Variants in PATL2 observed in about 807,000 individuals in gnomAD.
PATL2 encodes the protein protein PAT1 homolog 2.
Under a neutral mutation model 77.0 loss-of-function variants are expected in PATL2, and 73 were observed. The observed-to-expected ratio is 0.95, with a 90% confidence interval of 0.78 to 1.15. The LOEUF (loss-of-function observed/expected upper bound fraction) is 1.15. Among genes scored for constraint, PATL2 ranks in the 50% most tolerant of loss-of-function variants. The probability of loss-of-function intolerance (pLI) is 0.00; values close to 1 mark genes in which losing one functional copy is unlikely to be tolerated. For synonymous variants in PATL2, 265 were observed against 257.1 expected (o/e 1.03, Z -0.29); for missense variants, 618 against 655.4 (o/e 0.94, Z 0.62).
intron 5 of PATL2, chr15:44,674,454 G>A: frequency 1.9e-6 from 1 of 523,248 alleles, no homozygotes. Context: ...CCTTATTCAT[G>A]AGACATATAT....
chr15:44,683,495 C>A (rs1178501892), intron 3 of PATL2, among the ~76,000 whole-genome samples: 1 of 152,196 alleles, frequency 6.6e-6, no homozygotes, highest in African/African-American at 2.4e-5. Flanking sequence ...TGGGTGGAGT[C>A]CACTGCAGCT....
chr15:44,708,968 G>T (rs1041977994), intron 3 of PATL2, among the ~76,000 whole-genome samples: 1 of 151,970 alleles, frequency 6.6e-6, no homozygotes, highest in East Asian at 1.9e-4. Flanking sequence ...GTGCAATCTC[G>T]GCTCATTGCA....
At chr15:44,695,411 A>T (rs902062326) in intron 3 of PATL2, among the ~76,000 whole-genome samples, 2 of 152,258 alleles carry the variant, frequency 1.3e-5, no homozygotes, top group Admixed American at 1.3e-4. Context: ...TTTGTCAGCC[A>T]CTTTTACAGT....
intron 3 of PATL2, among the ~76,000 whole-genome samples, chr15:44,684,069 C>G (rs922779776): frequency 6.6e-6 from 1 of 150,712 alleles, no homozygotes; most frequent in African/African-American, 2.5e-5. Flanking sequence ...AAAAAAAAAT[C>G]CACACAGAAA....
At chr15:44,703,292 A>G (rs973497736) in intron 3 of PATL2, among the ~76,000 whole-genome samples, 4 of 152,100 alleles carry the variant, frequency 2.6e-5, no homozygotes, top group African/African-American at 4.8e-5. Context: ...GAAAAAATCT[A>G]TTAGAGCCAT....
intron 3 of PATL2, among the ~76,000 whole-genome samples, chr15:44,681,728 C>T (rs1304528821): frequency 6.6e-6 from 1 of 152,190 alleles, no homozygotes; most frequent in Non-Finnish European, 1.5e-5. Context: ...TATCCCTGGG[C>T]AATCTCATCT....
chr15:44,668,435 C>G lies in PATL2; in HGVS notation c.1272G>C (p.Leu424Phe), dbSNP rs1352317369. Residue 424 changes from leucine to phenylalanine, a missense_variant, in exon 15 of 18, where the codon TTG (leucine) becomes TTC (phenylalanine). Transcript: ENST00000682850. ...GTCCTTGGAGGAGTTCGTGGAGGGTCAAGTGACTAATACATTTGCCCAGAG... is the reference window on the plus strand; with the variant it reads ...GTCCTTGGAGGAGTTCGTGGAGGGTGAAGTGACTAATACATTTGCCCAGAG... The part of the protein sequence containing the change: ...FKPLGKCISH[L>F]TLHELLQGLQ... 2 of 1,551,356 alleles carry G rather than the reference C, an allele frequency of 1.3e-6. No individual in the cohort carries two copies. Among genetic ancestry groups the G allele is most frequent in the Non-Finnish European group, 8.7e-7 (1 of 1,146,972 alleles).
intron 11 of PATL2, 61 bp from the exon 12 acceptor site, chr15:44,669,624 C>G: frequency 6.5e-7 from 1 of 1,527,780 alleles, no homozygotes; most frequent in Non-Finnish European, 8.8e-7. Context: ...CTAGCCCAGG[C>G]CCCCAACTAG....
At chr15:44,680,639 T>A (rs1281563759) in intron 3 of PATL2, among the ~76,000 whole-genome samples, 1 of 152,220 alleles carries the variant, frequency 6.6e-6, no homozygotes, top group Non-Finnish European at 1.5e-5. Context: ...AATATCAGGA[T>A]GTGTCCACTT....
At position 44,669,100 on chromosome 15, in the gene PATL2, C is replaced by T. The variant is rs375834713; in HGVS notation, c.1104G>A (p.Arg368=). The change falls in exon 14 of 18, where the codon AGG becomes AGA. Residue 368 remains arginine, a synonymous_variant. Transcript: ENST00000682850. ...GCCGGGCCACCAGGGCCTTCCCCTTCCTCACAGAGAGCACCTGCAGGAAGC... is the reference window on the plus strand; with the variant it reads ...GCCGGGCCACCAGGGCCTTCCCCTTTCTCACAGAGAGCACCTGCAGGAAGC... The part of the protein sequence containing the change: ...ADGFLQVLSV[R]KGKALVARLL... The T allele has an allele frequency of 2.6e-6, 4 of 1,548,126 alleles. No homozygotes were observed. The highest frequency in any genetic ancestry group is 8.7e-7 in the Non-Finnish European group (1 of 1,145,042).
intron 3 of PATL2, among the ~76,000 whole-genome samples, chr15:44,706,582 T>C (rs1205144095): frequency 1.3e-5 from 2 of 152,254 alleles, no homozygotes; most frequent in Non-Finnish European, 2.9e-5. Flanking sequence ...GAGACTCTTA[T>C]TGTCTTCCCT....
Position 44,673,311 on chromosome 15 carries a change from G to T in PATL2, c.370C>A (p.His124Asn), listed in dbSNP as rs1447186089. Residue 124 changes from histidine to asparagine, a missense_variant, in exon 7 of 18, where the codon CAC becomes AAC. By Grantham distance (68) the His-to-Asn change is moderately conservative. Transcript: ENST00000682850. The stretch of plus-strand genomic sequence containing the variant: ...GGTGAGGGCAGCCGAGGTCCAAAGT[G>T]CTGTGCTGGAGAGCTGGTGCTGGGA... ...TFPSTSSPAQ[H>N]FGPRLPSPDP... The T allele has an allele frequency of 6.4e-7, 1 of 1,551,726 alleles. No homozygotes were observed. The highest frequency in any genetic ancestry group is 1.2e-5 in the South Asian group (1 of 84,062).
At chr15:44,667,039 T>G in intron 16 of PATL2, 67 bp downstream of exon 16, 2 of 1,250,174 alleles carry the variant, frequency 1.6e-6, no homozygotes, top group Non-Finnish European at 1.1e-6. Flanking sequence ...CAGGAAATAC[T>G]TCACCTGGCT....
chr15:44,708,887 G>A (rs981638923), intron 3 of PATL2, among the ~76,000 whole-genome samples: 7 of 152,190 alleles, frequency 4.6e-5, no homozygotes, highest in South Asian at 2.1e-4. Flanking sequence ...AAGAGCTGTC[G>A]AAGTGTTTTC....
In PATL2 at chr15:44,692,169, CAT is replaced by C. The variant is rs570196061; in HGVS notation, c.-75-15606_-75-15605del. ...TGCACAATGATTGCATCTTTGTAAA[CAT>C]ATATATTCATATTCATATCTGTATA... is the stretch of plus-strand genomic sequence containing the variant. On this transcript the variant is annotated intron_variant, in intron 3 of 17. Coordinates refer to ENST00000682850, the MANE Select transcript of PATL2 (RefSeq NM_001387263.1). 1.6e-4 allele frequency among the ~76,000 whole-genome samples: 24 copies of C among 152,172 alleles called. No homozygotes were observed. In the South Asian group the frequency reaches 4.8e-3, roughly 30 times the overall value.
chr15:44,675,553 G>A lies in PATL2; in HGVS notation c.155C>T (p.Pro52Leu), dbSNP rs1238558087. ...DEEDLDPDLDPDLEEEENDLG... is the reference protein window; with the variant it reads ...DEEDLDPDLDLDLEEEENDLG... ...ATCATTCTCTTCCTCCTCTAGGTCT[G>A]GGTCCAGATCTGGGTCCAGATCCTC... Residue 52 changes from proline to leucine, a missense_variant, in exon 5 of 18, where the codon CCA (proline) becomes CTA (leucine). Coordinates refer to ENST00000682850, the MANE Select transcript of PATL2 (RefSeq NM_001387263.1). 6.4e-7 allele frequency: 1 copy of A among 1,551,574 alleles called. No homozygotes were observed. The highest frequency in any genetic ancestry group is 2.4e-5 in the East Asian group (1 of 40,916).
intron 3 of PATL2, among the ~76,000 whole-genome samples, chr15:44,701,219 T>C (rs1319932514): frequency 1.3e-5 from 2 of 152,058 alleles, no homozygotes; most frequent in Non-Finnish European, 2.9e-5. Context: ...TGCTAGTATG[T>C]TGCTGAGGAT....
At chr15:44,688,460 T>C (rs2141241625) in intron 3 of PATL2, among the ~76,000 whole-genome samples, 1 of 152,100 alleles carries the variant, frequency 6.6e-6, no homozygotes, top group African/African-American at 2.4e-5. Flanking sequence ...CTTCAAACTA[T>C]ACTACAAGGC....
At chr15:44,702,304 G>A (rs868821713) in intron 3 of PATL2, among the ~76,000 whole-genome samples, 11 of 148,306 alleles carry the variant, frequency 7.4e-5, no homozygotes, top group Middle Eastern at 3.4e-3. Flanking sequence ...TCTAATGATC[G>A]TTTGAATTTC....
Sources: allele counts gnomAD v4.1 joint callset (sites outside exome capture counted in the v4.1 genomes callset), GRCh38; gene constraint gnomAD v4.1.1; transcripts MANE v1.5; gene names NCBI Gene and HGNC (gene_info 2026-07-23, HGNC 2026-07-21).